Variants in NBAS observed in about 807,000 individuals in gnomAD.
NBAS encodes NBAS subunit of NRZ tethering complex, also known as NAG/BC035112 fusion.
NBAS carries 219 observed loss-of-function variants against 302.5 expected under a neutral mutation model. That is an observed-to-expected ratio of 0.72 (90% CI 0.65 to 0.81). NBAS has a LOEUF of 0.81. Among genes scored for constraint, NBAS ranks in the 30% least tolerant of loss-of-function variants. The pLI, the probability that NBAS is intolerant of heterozygous loss-of-function variation, is 0.00. For synonymous variants in NBAS, 1,118 were observed against 1,021.6 expected (o/e 1.09, Z -1.80); for missense variants, 2,932 against 2,841.6 (o/e 1.03, Z -0.72).
intron 6 of NBAS, among the ~76,000 whole-genome samples, chr2:15,539,930 T>G (rs1161001560): frequency 6.6e-6 from 1 of 151,384 alleles, no homozygotes. Context: ...AACTCATGAG[T>G]CAATCACACA....
chr2:14,952,918 CT>C, the NBAS span, among the ~76,000 whole-genome samples: 1 of 152,196 alleles, frequency 6.6e-6, no homozygotes, highest in Non-Finnish European at 1.5e-5. Flanking sequence ...GGAGAAGCAA[CT>C]CAGGGAGTCT....
At chr2:14,793,583 A>G in the NBAS span, among the ~76,000 whole-genome samples, 2 of 152,130 alleles carry the variant, frequency 1.3e-5, no homozygotes, top group Non-Finnish European at 2.9e-5. Flanking sequence ...ATTATGAAAG[A>G]CTGAAGATTT....
intron 38 of NBAS, among the ~76,000 whole-genome samples, chr2:15,323,163 A>C (rs1412714605): frequency 1.3e-5 from 2 of 152,224 alleles, no homozygotes. Flanking sequence ...TCCCATAGAC[A>C]TGACTAAGAA....
At chr2:14,927,712 C>T in the NBAS span, among the ~76,000 whole-genome samples, 1 of 152,216 alleles carries the variant, frequency 6.6e-6, no homozygotes, top group Non-Finnish European at 1.5e-5. Context: ...TTTGCCAACA[C>T]TTATTTTCTG....
intron 3 of NBAS, among the ~76,000 whole-genome samples, 161 bp downstream of exon 3, chr2:15,556,622 T>C (rs973491849): frequency 2.0e-5 from 3 of 152,226 alleles, no homozygotes; most frequent in African/African-American, 7.2e-5. Flanking sequence ...AGATATCTTG[T>C]CAGATTCTAC....
chr2:15,389,821 C>T (rs1334739912), intron 28 of NBAS, among the ~76,000 whole-genome samples: 2 of 152,162 alleles, frequency 1.3e-5, no homozygotes, highest in Admixed American at 1.3e-4. Flanking sequence ...TGCAGTGGCA[C>T]GATCATGGCT....
At position 15,432,911 on chromosome 2, in the gene NBAS, T is replaced by C. The variant is rs180865801; in HGVS notation, c.2340-5117A>G. The stretch of plus-strand genomic sequence containing the variant: ...TCTGGACCAATGGGATTCAATTTCA[T>C]TTATAAATAACTTAGAAAACAGAGC... On this transcript the variant is annotated intron_variant, in intron 21 of 51. Coordinates refer to ENST00000281513, the MANE Select transcript of NBAS (RefSeq NM_015909.4). Among the ~76,000 whole-genome samples, 19 of 152,304 alleles carry C rather than the reference T, an allele frequency of 1.2e-4. No individual in the cohort carries two copies. The East Asian group carries it at 3.3e-3, about 26-fold the overall frequency.
the NBAS span, among the ~76,000 whole-genome samples, chr2:14,915,359 T>C: frequency 1.3e-5 from 2 of 152,220 alleles, no homozygotes; most frequent in East Asian, 3.9e-4. Flanking sequence ...ATCCAGGCTC[T>C]GCTTCTCCCT....
At chr2:15,159,373 T>C in the NBAS span, among the ~76,000 whole-genome samples, 1 of 152,214 alleles carries the variant, frequency 6.6e-6, no homozygotes, top group African/African-American at 2.4e-5. Flanking sequence ...CGAGGTGTTA[T>C]GATGCTGACT....
chr2:14,941,554 G>C, the NBAS span, among the ~76,000 whole-genome samples: 2 of 152,218 alleles, frequency 1.3e-5, no homozygotes, highest in Non-Finnish European at 2.9e-5. Context: ...GGAAGGCAGA[G>C]CAGATGGATG....
intron 21 of NBAS, among the ~76,000 whole-genome samples, chr2:15,442,932 A>G (rs1011376065): frequency 6.6e-6 from 1 of 152,082 alleles, no homozygotes; most frequent in Non-Finnish European, 1.5e-5. Flanking sequence ...CGACACATAC[A>G]CTCTCCCAAC....
At chr2:15,115,404 C>T in the NBAS span, among the ~76,000 whole-genome samples, 1 of 152,012 alleles carries the variant, frequency 6.6e-6, no homozygotes, top group Admixed American at 6.6e-5. Context: ...AATGGTATTG[C>T]CAGAGAAGGT....
At chr2:15,138,226 C>T in the NBAS span, among the ~76,000 whole-genome samples, 1 of 152,138 alleles carries the variant, frequency 6.6e-6, no homozygotes, top group Non-Finnish European at 1.5e-5. Flanking sequence ...ACAGCATGGG[C>T]TGCTTCTCTT....
intron 10 of NBAS, among the ~76,000 whole-genome samples, chr2:15,505,095 T>C (rs1381808188): frequency 3.3e-5 from 5 of 152,148 alleles, no homozygotes. Flanking sequence ...AACTTTACAA[T>C]AACTGTAAGC....
At chr2:14,887,345 G>A in the NBAS span, among the ~76,000 whole-genome samples, 1 of 148,726 alleles carries the variant, frequency 6.7e-6, no homozygotes, top group Non-Finnish European at 1.5e-5. Flanking sequence ...GGAGGTTGCA[G>A]TGATCTGAGA....
At chr2:14,952,609 C>T in the NBAS span, among the ~76,000 whole-genome samples, 17 of 152,258 alleles carry the variant, frequency 1.1e-4, no homozygotes, top group South Asian at 1.5e-3. Context: ...CTGTTTGGGG[C>T]GTTTTTCATG....
At chr2:15,402,324 T>C (rs776325859) in intron 25 of NBAS, 23 bp from the exon 26 acceptor site, 3 of 1,612,064 alleles carry the variant, frequency 1.9e-6, no homozygotes, top group Admixed American at 3.3e-5. Flanking sequence ...AAGTATGTTG[T>C]ACTAAATGTC....
At chr2:15,341,820 C>T (rs1311573177) in intron 35 of NBAS, among the ~76,000 whole-genome samples, 1 of 152,130 alleles carries the variant, frequency 6.6e-6, no homozygotes, top group Admixed American at 6.6e-5. Context: ...ATCCCAGAAG[C>T]ATGACAATGA....
chr2:15,007,746 A>T, the NBAS span, among the ~76,000 whole-genome samples: 14 of 152,340 alleles, frequency 9.2e-5, no homozygotes, highest in South Asian at 2.9e-3. Flanking sequence ...CACTAGGATG[A>T]TAGTAAAGGC....
Sources: gnomAD v4.1 joint callset for allele counts (sites outside exome capture counted in the v4.1 genomes callset) on GRCh38, gnomAD v4.1.1 for gene constraint, MANE v1.5 for transcripts, NCBI Gene and HGNC (gene_info 2026-07-23, HGNC 2026-07-21) for gene names.